The following PSD3 variants were observed in gnomAD, a reference collection of about 807,000 sequenced individuals.
PSD3 encodes the protein PH and SEC7 domain-containing protein 3.
A neutral mutation model predicts 105.5 loss-of-function variants in PSD3; 49 were observed. The observed-to-expected ratio is 0.46, with a 90% CI of 0.37 to 0.59. PSD3 has a LOEUF of 0.59. PSD3 is among the 20% of genes least tolerant of loss of function. The pLI is 0.00. For missense variants in PSD3, 1,561 were observed against 1,263.8 expected, an observed-to-expected ratio of 1.24 and a Z score of -3.57; for synonymous variants, 557 against 457.8, an observed-to-expected ratio of 1.22 and a Z score of -2.77.
intron 12 of PSD3, among the ~76,000 whole-genome samples, chr8:18,581,212 A>G (rs1281487348): frequency 6.6e-6 from 1 of 152,228 alleles, no homozygotes; most frequent in Non-Finnish European, 1.5e-5. Flanking sequence ...TTTAATGTCA[A>G]TTAAAATGCA....
intron 12 of PSD3, among the ~76,000 whole-genome samples, chr8:18,596,949 G>C (rs1804147763): frequency 6.6e-6 from 1 of 152,076 alleles, no homozygotes; most frequent in African/African-American, 2.4e-5. Context: ...GAAGAGGAGG[G>C]AACACTTCCA....
chr8:18,642,855 T>A (rs1807753110), intron 10 of PSD3, among the ~76,000 whole-genome samples: 1 of 152,194 alleles, frequency 6.6e-6, no homozygotes, highest in Non-Finnish European at 1.5e-5. Context: ...TTTAAAAAAA[T>A]TTGGCCTTTT....
At chr8:18,565,912 C>T (rs117403173) in intron 14 of PSD3, among the ~76,000 whole-genome samples, 2,590 of 152,096 alleles carry the variant, frequency 0.017, 45 homozygotes, top group East Asian at 0.073. Context: ...CTGGGGATAT[C>T]GCTAAACATC....
At chr8:19,004,542 G>C (rs1300268357) in intron 1 of PSD3, among the ~76,000 whole-genome samples, 1 of 152,072 alleles carries the variant, frequency 6.6e-6, no homozygotes, top group Admixed American at 6.5e-5. Context: ...ATATCTGATA[G>C]GAGACTTCAA....
chr8:18,919,275 A>G (rs751341095), intron 2 of PSD3, among the ~76,000 whole-genome samples: 4 of 152,106 alleles, frequency 2.6e-5, no homozygotes, highest in Non-Finnish European at 4.4e-5. Context: ...GGAGTTTCGT[A>G]TCTCTGCTTT....
chr8:18,734,031 A>G (rs1803967597), intron 9 of PSD3: 1 of 152,206 alleles, frequency 6.6e-6, no homozygotes, highest in South Asian at 2.1e-4. Flanking sequence ...TAACATATCC[A>G]CAGGTATTAA....
chr8:18,949,275 A>ATT (rs1823091287), intron 1 of PSD3, among the ~76,000 whole-genome samples: 1 of 116,430 alleles, frequency 8.6e-6, no homozygotes, highest in Non-Finnish European at 1.8e-5. Context: ...ATATATATAT[A>ATT]TATTTATAGT....
chr8:18,880,760 T>A (rs1818052165), intron 2 of PSD3, among the ~76,000 whole-genome samples: 1 of 152,124 alleles, frequency 6.6e-6, no homozygotes, highest in Non-Finnish European at 1.5e-5. Context: ...TGAAAACATT[T>A]CCCCTCCAGC....
intron 1 of PSD3, 110 bp downstream of exon 1, chr8:19,013,453 G>A (rs1827047988): frequency 1.4e-6 from 2 of 1,467,304 alleles, no homozygotes; most frequent in Non-Finnish European, 1.9e-6. Context: ...ACAAACCCAG[G>A]TGGCCCCGGG....
intron 9 of PSD3, among the ~76,000 whole-genome samples, chr8:18,708,902 G>A (rs919785177): frequency 2.6e-5 from 4 of 152,178 alleles, no homozygotes; most frequent in African/African-American, 9.7e-5. Context: ...CCCACCTCCA[G>A]TCAAGGGAGG....
chr8:18,692,962 C>G (rs957861029), intron 9 of PSD3, among the ~76,000 whole-genome samples: 2 of 152,144 alleles, frequency 1.3e-5, no homozygotes, highest in Middle Eastern at 3.4e-3. Flanking sequence ...GTAGAATGTC[C>G]AGGTGGGAGT....
intron 11 of PSD3, among the ~76,000 whole-genome samples, chr8:18,619,656 A>C (rs990947353): frequency 1.1e-4 from 17 of 152,062 alleles, no homozygotes; most frequent in African/African-American, 3.9e-4. Context: ...AAAAAAAAAA[A>C]AGACCTAAGG....
At chr8:18,707,219 T>C (rs923792541) in intron 9 of PSD3, among the ~76,000 whole-genome samples, 5 of 152,140 alleles carry the variant, frequency 3.3e-5, no homozygotes, top group African/African-American at 1.2e-4. Flanking sequence ...CCTCTTCCCC[T>C]TTCCAGAAAA....
chr8:18,642,352 A>C (rs978725162), intron 10 of PSD3, among the ~76,000 whole-genome samples: 1 of 152,170 alleles, frequency 6.6e-6, no homozygotes, highest in Admixed American at 6.5e-5. Context: ...TATATGTATA[A>C]ATTATAATGT....
At chr8:18,855,947 CATA>C (rs1815974878) in intron 4 of PSD3, among the ~76,000 whole-genome samples, 1 of 152,200 alleles carries the variant, frequency 6.6e-6, no homozygotes, top group Admixed American at 6.5e-5. Flanking sequence ...AAGCCAACTG[CATA>C]ATGACTACAA....
chr8:18,729,378 T>G (rs1803564832), intron 9 of PSD3, among the ~76,000 whole-genome samples: 1 of 152,212 alleles, frequency 6.6e-6, no homozygotes, highest in Non-Finnish European at 1.5e-5. Context: ...GTGTCTAACA[T>G]TAGTCCATAC....
chr8:18,953,041 A>C (rs1823344781), intron 1 of PSD3, among the ~76,000 whole-genome samples: 1 of 152,252 alleles, frequency 6.6e-6, no homozygotes, highest in Admixed American at 6.5e-5. Flanking sequence ...ATAACCCAGC[A>C]GAAAAACAGG....
At chr8:19,067,911 C>T (rs191643383) in intron 1 of PSD3, among the ~76,000 whole-genome samples, 175 of 152,322 alleles carry the variant, frequency 1.1e-3, no homozygotes, top group African/African-American at 4.0e-3. Context: ...CAGCTATCTG[C>T]CTTTAAATTT....
At chr8:18,934,484 C>G (rs1821969912) in intron 2 of PSD3, among the ~76,000 whole-genome samples, 1 of 152,066 alleles carries the variant, frequency 6.6e-6, no homozygotes, top group Non-Finnish European at 1.5e-5. Flanking sequence ...GATCTCGGCT[C>G]ACTGCAAGCT....
Sources: gnomAD v4.1 joint callset for allele counts (sites outside exome capture counted in the v4.1 genomes callset) on GRCh38, gnomAD v4.1.1 for gene constraint, MANE v1.5 for transcripts, NCBI Gene and HGNC (gene_info 2026-07-23, HGNC 2026-07-21) for gene names.